METTL15: variants seen among roughly 807,000 people sequenced by gnomAD.
METTL15 encodes the protein 12S rRNA N(4)-cytidine methyltransferase METTL15.
METTL15 carries 34 observed loss-of-function variants against 38.3 expected under a neutral mutation model. The ratio of observed to expected loss-of-function variants is 0.89; its 90% confidence interval spans 0.68 to 1.18. The LOEUF (loss-of-function observed/expected upper bound fraction) is 1.18. Among genes scored for constraint, METTL15 ranks in the 50% most tolerant of loss-of-function variants. The pLI is 0.00. For missense variants in METTL15, 438 were observed against 498.4 expected, an observed-to-expected ratio of 0.88 and a Z score of 1.15; for synonymous variants, 162 against 170.9, an observed-to-expected ratio of 0.95 and a Z score of 0.41.
At chr11:28,374,779 T>G (rs1231190603) in intron 5 of METTL15, among the ~76,000 whole-genome samples, 1 of 151,120 alleles carries the variant, frequency 6.6e-6, no homozygotes, top group Non-Finnish European at 1.5e-5. Context: ...TTTTGCCCAT[T>G]CAGTATGGTA....
At chr11:28,374,201 G>T (rs1324670381) in intron 5 of METTL15, among the ~76,000 whole-genome samples, 2 of 152,094 alleles carry the variant, frequency 1.3e-5, no homozygotes, top group African/African-American at 2.4e-5. Flanking sequence ...ATTCTGTGAA[G>T]AAAGTCATTG....
intron 5 of METTL15, among the ~76,000 whole-genome samples, chr11:28,369,730 T>C (rs901673197): frequency 1.3e-5 from 2 of 152,036 alleles, no homozygotes; most frequent in Non-Finnish European, 1.5e-5. Flanking sequence ...CTTTCCAAGA[T>C]AAACAAAAGC....
At chr11:28,194,694 TA>T (rs1319618564) in intron 3 of METTL15, among the ~76,000 whole-genome samples, 4 of 151,966 alleles carry the variant, frequency 2.6e-5, no homozygotes, top group Admixed American at 1.3e-4. Flanking sequence ...AAAGAAAGAT[TA>T]AAAAAAATTA....
intron 5 of METTL15, among the ~76,000 whole-genome samples, chr11:28,367,546 G>A (rs1850198787): frequency 6.6e-6 from 1 of 152,048 alleles, no homozygotes; most frequent in African/African-American, 2.4e-5. Context: ...CAGATTCAAT[G>A]TTATCCCCAT....
intron 6 of METTL15, among the ~76,000 whole-genome samples, chr11:28,310,914 C>CTGCTGG (rs1296842131): frequency 2.7e-5 from 3 of 110,128 alleles, no homozygotes; most frequent in African/African-American, 7.3e-5. Flanking sequence ...GCTGCTGCTG[C>CTGCTGG]TGGTGGTGGT....
chr11:28,471,766 AG>A (rs1295006307), intron 6 of METTL15, among the ~76,000 whole-genome samples: 1 of 152,040 alleles, frequency 6.6e-6, no homozygotes, highest in Non-Finnish European at 1.5e-5. Flanking sequence ...GAAAAAAAAA[AG>A]TTTCCAGCTG....
At position 28,296,577 on chromosome 11, in the gene METTL15, G is replaced by A. The variant is rs550801082; in HGVS notation, c.600-176G>A. Among the ~76,000 whole-genome samples, 300 of 152,162 alleles carry A rather than the reference G, an allele frequency of 2.0e-3. 1 individual carries two copies. The highest frequency in any genetic ancestry group is 6.0e-3 in the African/African-American group (247 of 41,508). On this transcript the variant is annotated intron_variant, in intron 5 of 6. Transcript: ENST00000407364. ...ACCATCACCACTTGCCATAATGATG[G>A]GTAGTTGAAATAGAAAGTCTATTTC...
chr11:28,217,595 C>G (rs1042348535), intron 4 of METTL15, among the ~76,000 whole-genome samples: 11 of 151,950 alleles, frequency 7.2e-5, no homozygotes, highest in East Asian at 1.9e-4. Flanking sequence ...GGCTTTTGTT[C>G]CCATTGCTTT....
intron 4 of METTL15, among the ~76,000 whole-genome samples, chr11:28,355,200 C>T (rs964364900): frequency 2.6e-5 from 4 of 152,212 alleles, no homozygotes; most frequent in African/African-American, 9.7e-5. Context: ...CAGCTACCAC[C>T]TTTAGGTAGA....
chr11:28,248,170 A>T (rs922037355), intron 4 of METTL15, among the ~76,000 whole-genome samples: 3 of 152,066 alleles, frequency 2.0e-5, no homozygotes, highest in Non-Finnish European at 4.4e-5. Context: ...CATTAATGAT[A>T]TGGTCCCTGT....
chr11:28,458,034 A>T (rs1851184352), intron 6 of METTL15, among the ~76,000 whole-genome samples: 1 of 152,214 alleles, frequency 6.6e-6, no homozygotes, highest in Non-Finnish European at 1.5e-5. Context: ...TAGGGGCAGA[A>T]GGATATCACC....
intron 4 of METTL15, among the ~76,000 whole-genome samples, chr11:28,266,211 A>G (rs1009180913): frequency 7.2e-5 from 11 of 152,344 alleles, no homozygotes; most frequent in Non-Finnish European, 1.2e-4. Context: ...ATTACTGGAT[A>G]TATACCCAAA....
exon 5 of METTL15, chr11:28,361,971 C>G (rs1027402528): frequency 6.6e-6 from 1 of 152,194 alleles, no homozygotes; most frequent in African/African-American, 2.4e-5. Flanking sequence ...ATTCTCCCAA[C>G]TTCATCTCAG....
chr11:28,364,527 A>G (rs1590345786), intron 5 of METTL15, among the ~76,000 whole-genome samples: 3 of 152,202 alleles, frequency 2.0e-5, no homozygotes, highest in East Asian at 1.9e-4. Flanking sequence ...TGGTACATTG[A>G]CTTTGTATCC....
intron 6 of METTL15, among the ~76,000 whole-genome samples, chr11:28,464,779 C>G (rs577542466): frequency 6.6e-6 from 1 of 152,302 alleles, no homozygotes; most frequent in East Asian, 1.9e-4. Context: ...CCTAAAGGCT[C>G]AGATCACCAA....
chr11:28,415,164 A>T (rs1183310748), intron 5 of METTL15, among the ~76,000 whole-genome samples: 1 of 152,230 alleles, frequency 6.6e-6, no homozygotes, highest in African/African-American at 2.4e-5. Context: ...TGAAGACTTT[A>T]AATAGCAAGC....
chr11:28,386,818 C>A (rs1850446266), intron 5 of METTL15, among the ~76,000 whole-genome samples: 1 of 151,930 alleles, frequency 6.6e-6, no homozygotes, highest in Non-Finnish European at 1.5e-5. Flanking sequence ...ATCACAAGAT[C>A]AGTCTTAACA....
chr11:28,478,118 T>G (rs2585821), intron 6 of METTL15, among the ~76,000 whole-genome samples: 147,421 of 152,218 alleles, frequency 0.97, 71,481 homozygotes, highest in Non-Finnish European at 0.99. Flanking sequence ...ATTTTAGACC[T>G]ATGTCCATGA....
chr11:28,110,846 A>G (rs1259538932), intron 2 of METTL15, among the ~76,000 whole-genome samples: 10 of 152,178 alleles, frequency 6.6e-5, no homozygotes, highest in Non-Finnish European at 1.2e-4. Flanking sequence ...TCAACAGCCA[A>G]AAGTGAACTT....
Sources: gnomAD v4.1 joint callset for allele counts (sites outside exome capture counted in the v4.1 genomes callset) on GRCh38, gnomAD v4.1.1 for gene constraint, MANE v1.5 for transcripts, NCBI Gene and HGNC (gene_info 2026-07-23, HGNC 2026-07-21) for gene names.